The following SLC16A10 variants were observed in gnomAD, a reference collection of about 807,000 sequenced individuals.
SLC16A10 encodes solute carrier family 16 member 10, also known as monocarboxylate transporter 10.
A neutral mutation model predicts 40.0 loss-of-function variants in SLC16A10; 27 were observed. That is an observed-to-expected ratio of 0.67 (90% confidence interval 0.50 to 0.93). SLC16A10 has a LOEUF of 0.93. Ranked by LOEUF, SLC16A10 falls within the 40% of genes least tolerant of loss-of-function variation. The pLI is 0.00. For missense variants in SLC16A10, 529 were observed against 658.2 expected, an observed-to-expected ratio of 0.80 and a Z score of 2.15; for synonymous variants, 213 against 249.8, an observed-to-expected ratio of 0.85 and a Z score of 1.39.
intron 4 of SLC16A10, among the ~76,000 whole-genome samples, chr6:111,213,987 C>G (rs1773383660): frequency 6.6e-6 from 1 of 152,208 alleles, no homozygotes; most frequent in Admixed American, 6.5e-5. Flanking sequence ...AGGTGCAGCT[C>G]ATTGTTTCCT....
At chr6:111,218,362 TGA>T (rs1262469740) in intron 4 of SLC16A10, among the ~76,000 whole-genome samples, 1 of 152,160 alleles carries the variant, frequency 6.6e-6, no homozygotes, top group Non-Finnish European at 1.5e-5. Flanking sequence ...GTGGATCACT[TGA>T]GGTCAGGAGT....
chr6:111,092,280 G>T (rs1440602061), intron 1 of SLC16A10, among the ~76,000 whole-genome samples: 1 of 151,368 alleles, frequency 6.6e-6, no homozygotes, highest in Non-Finnish European at 1.5e-5. Flanking sequence ...CTGTCTGAGG[G>T]AGCAAGCTAA....
intron 3 of SLC16A10, among the ~76,000 whole-genome samples, chr6:111,193,684 T>C (rs906032682): frequency 6.6e-6 from 1 of 152,204 alleles, no homozygotes; most frequent in Non-Finnish European, 1.5e-5. Context: ...AATTGAATAG[T>C]AGTTTTTAGA....
chr6:111,132,203 G>A (rs1771796437), intron 1 of SLC16A10, among the ~76,000 whole-genome samples: 1 of 152,066 alleles, frequency 6.6e-6, no homozygotes, highest in Middle Eastern at 3.2e-3. Flanking sequence ...GAGAGAGAGA[G>A]ACAGAGACAG....
At position 111,224,325 on chromosome 6, in the gene SLC16A10, C is replaced by T. The variant is rs529040404; in HGVS notation, c.*2090C>T. 6.6e-6 allele frequency: 1 copy of T among 152,290 alleles called. No homozygotes were observed. Among genetic ancestry groups the T allele is most frequent in the South Asian group, 2.1e-4 (1 of 4,826 alleles). 9.4% of individuals were successfully genotyped at this position (152,290 alleles called of 1,614,324 possible). A position where few individuals can be genotyped will look rare whatever the true frequency, so the allele number is the denominator to read the frequency against. On this transcript the variant is annotated 3_prime_UTR_variant, in exon 6 of 6. Transcript: ENST00000368851. ...TCAAAACACCTTCTCCCCAATTTTA[C>T]AGAAAGTAATTTAAAAATGAAAACT...
intron 1 of SLC16A10, among the ~76,000 whole-genome samples, chr6:111,130,210 T>G (rs61412365): frequency 0.012 from 1,840 of 152,316 alleles, 25 homozygotes; most frequent in African/African-American, 0.043. Flanking sequence ...TACTGTAGCA[T>G]GTATAGTCAT....
At chr6:111,194,304 A>T (rs1423981861) in intron 3 of SLC16A10, among the ~76,000 whole-genome samples, 5 of 152,228 alleles carry the variant, frequency 3.3e-5, no homozygotes, top group Non-Finnish European at 4.4e-5. Flanking sequence ...AGAGTTAGTT[A>T]AGAGACTTTC....
At chr6:111,167,534 G>A (rs1023761279) in intron 1 of SLC16A10, among the ~76,000 whole-genome samples, 8 of 152,072 alleles carry the variant, frequency 5.3e-5, no homozygotes, top group South Asian at 4.1e-4. Context: ...GTTAACTTTC[G>A]AGGAGAGATC....
At chr6:111,215,794 C>T (rs1583367714) in intron 4 of SLC16A10, among the ~76,000 whole-genome samples, 1 of 152,104 alleles carries the variant, frequency 6.6e-6, no homozygotes, top group Admixed American at 6.5e-5. Context: ...TGTTTGAGCC[C>T]GGGAGTTCAA....
intron 1 of SLC16A10, among the ~76,000 whole-genome samples, chr6:111,164,127 T>C (rs1457408277): frequency 6.6e-6 from 1 of 152,248 alleles, no homozygotes; most frequent in Non-Finnish European, 1.5e-5. Flanking sequence ...AGATTAATTT[T>C]TACAAACCTT....
chr6:111,224,234 G>A lies in SLC16A10; in HGVS notation c.*1999G>A, dbSNP rs62420363. 0.094 allele frequency: 14,322 copies of A among 152,218 alleles called. 860 individuals carry two copies. The highest frequency in any genetic ancestry group is 0.14 in the Non-Finnish European group (9,731 of 68,012). The allele number at this position is 152,218 out of a possible 1,614,324, so 9.4% of individuals were successfully genotyped here. A position where few individuals can be genotyped will look rare whatever the true frequency, so the allele number is the denominator to read the frequency against. ...TGTTCAACTGAGCAGAACCCTGTCT[G>A]TAAAAGAAAATCAAAAACAAAAAAT... On this transcript the variant is annotated 3_prime_UTR_variant, in exon 6 of 6. Transcript: ENST00000368851.
chr6:111,186,720 T>A (rs1772904203), intron 3 of SLC16A10, among the ~76,000 whole-genome samples: 1 of 152,220 alleles, frequency 6.6e-6, no homozygotes, highest in Non-Finnish European at 1.5e-5. Flanking sequence ...GGGCTGTACA[T>A]TGCTGATGTG....
chr6:111,172,674 A>G, intron 1 of SLC16A10, 21 bp from the exon 2 acceptor site: 1 of 1,608,000 alleles, frequency 6.2e-7, no homozygotes, highest in Non-Finnish European at 8.5e-7. Flanking sequence ...AATTCCCCCC[A>G]CGCTTTCCCT....
At chr6:111,167,424 C>T (rs1007045329) in intron 1 of SLC16A10, among the ~76,000 whole-genome samples, 9 of 152,042 alleles carry the variant, frequency 5.9e-5, no homozygotes, top group African/African-American at 2.2e-4. Flanking sequence ...TAAAAGTGGC[C>T]AAGTGGGTAT....
At chr6:111,211,098 G>A (rs1773340010) in intron 4 of SLC16A10, among the ~76,000 whole-genome samples, 1 of 151,894 alleles carries the variant, frequency 6.6e-6, no homozygotes, top group Non-Finnish European at 1.5e-5. Context: ...CACTGTGGTT[G>A]TTCTGTGTTT....
intron 1 of SLC16A10, among the ~76,000 whole-genome samples, chr6:111,130,751 A>T (rs779414650): frequency 5.3e-5 from 8 of 152,126 alleles, no homozygotes; most frequent in Non-Finnish European, 1.2e-4. Flanking sequence ...GATATAATCT[A>T]CTAGGATAAT....
chr6:111,130,521 C>T (rs1023273890), intron 1 of SLC16A10, among the ~76,000 whole-genome samples: 5 of 152,182 alleles, frequency 3.3e-5, no homozygotes, highest in African/African-American at 1.2e-4. Flanking sequence ...GTACTCTCAG[C>T]ACTAGACATT....
chr6:111,229,049 A>AG lies in SLC16A10; in HGVS notation c.*6814_*6815insG, dbSNP rs1554262650. 1.3e-5 allele frequency: 2 copies of AG among 152,306 alleles called. No individual in the cohort carries two copies. Among genetic ancestry groups the AG allele is most frequent in the Admixed American group, 6.6e-5 (1 of 15,132 alleles). 9.4% of individuals were successfully genotyped at this position (152,306 alleles called of 1,614,324 possible). ...TGTCTCAAAAAAAAAAAAAAAAAAA[A>AG]TAGTGCTGCATTTTGACCCTGGACT... On this transcript the variant is annotated 3_prime_UTR_variant, in exon 6 of 6. Transcript: ENST00000368851.
chr6:111,195,791 C>G (rs1420203587), intron 3 of SLC16A10, among the ~76,000 whole-genome samples: 1 of 152,192 alleles, frequency 6.6e-6, no homozygotes, highest in East Asian at 1.9e-4. Context: ...GAAGTTTTCT[C>G]TCTGCTCTGT....
Sources: allele counts gnomAD v4.1 joint callset (sites outside exome capture counted in the v4.1 genomes callset), GRCh38; gene constraint gnomAD v4.1.1; transcripts MANE v1.5; gene names NCBI Gene and HGNC (gene_info 2026-07-23, HGNC 2026-07-21).